Variants in KAZN observed in about 807,000 individuals in gnomAD.
The protein encoded by KAZN is kazrin.
KAZN carries 40 observed loss-of-function variants against 87.4 expected under a neutral mutation model. The ratio of observed to expected loss-of-function variants is 0.46; its 90% confidence interval spans 0.36 to 0.60. KAZN has a LOEUF of 0.60. KAZN is among the 20% of genes least tolerant of loss of function. The pLI is 0.00. For synonymous variants in KAZN, 466 were observed against 458.3 expected, an observed-to-expected ratio of 1.02 and a Z score of -0.22; for missense variants, 898 against 1,073.9, an observed-to-expected ratio of 0.84 and a Z score of 2.29.
At chr1:15,016,172 A>G (rs141353377) in intron 2 of KAZN, among the ~76,000 whole-genome samples, 1 of 152,318 alleles carries the variant, frequency 6.6e-6, no homozygotes, top group Non-Finnish European at 1.5e-5. Flanking sequence ...ACACATCTAC[A>G]GGCCGACGGA....
At chr1:14,066,875 G>T (rs533309121) in intron 1 of KAZN, among the ~76,000 whole-genome samples, 18 of 152,174 alleles carry the variant, frequency 1.2e-4, no homozygotes, top group Non-Finnish European at 2.5e-4. Context: ...CAAAATCCCT[G>T]CCCTCTGTCC....
At position 14,260,262 on chromosome 1, in the gene KAZN, G is replaced by A. The variant is rs144025128; in HGVS notation, c.249+79670G>A. Reference sequence around the variant, plus strand: ...GTGGAACTGATATTCTAGTGTAGGAGGCACACGATAAACAAAAGAAACAAG... The same window carrying A: ...GTGGAACTGATATTCTAGTGTAGGAAGCACACGATAAACAAAAGAAACAAG... On this transcript the variant is annotated intron_variant, in intron 2 of 16. Transcript: ENST00000636203. 3.8e-4 allele frequency among the ~76,000 whole-genome samples: 58 copies of A among 152,306 alleles called. 1 individual carries two copies. The East Asian group carries it at 7.1e-3, about 19-fold the overall frequency.
intron 2 of KAZN, among the ~76,000 whole-genome samples, chr1:14,309,758 G>C (rs11585699): frequency 0.17 from 26,179 of 151,500 alleles, 2,924 homozygotes; most frequent in Middle Eastern, 0.27. Flanking sequence ...ATTGTGTAGA[G>C]ATGGGGTTTT....
At chr1:14,982,586 C>T (rs559175700) in intron 2 of KAZN, among the ~76,000 whole-genome samples, 9 of 152,234 alleles carry the variant, frequency 5.9e-5, no homozygotes, top group African/African-American at 1.2e-4. Context: ...TGCGCCACCA[C>T]GCCCAGCTAA....
chr1:14,787,285 A>G (rs115684290), intron 1 of KAZN, among the ~76,000 whole-genome samples: 7,231 of 152,326 alleles, frequency 0.047, 265 homozygotes, highest in South Asian at 0.075. Context: ...TACGACACTA[A>G]GAAGTAGGCG....
intron 1 of KAZN, among the ~76,000 whole-genome samples, chr1:13,905,843 T>TTCA (rs1639417432): frequency 6.6e-6 from 1 of 152,216 alleles, no homozygotes; most frequent in Non-Finnish European, 1.5e-5. Context: ...ACAACCTCGG[T>TTCA]GACTTAAAAC....
chr1:15,090,993 G>A (rs186342792), intron 8 of KAZN, among the ~76,000 whole-genome samples: 16 of 152,290 alleles, frequency 1.1e-4, no homozygotes, highest in Admixed American at 4.6e-4. Context: ...GCCTTGTGGG[G>A]AGGGGGTTTG....
At chr1:14,535,823 C>A (rs1672476879) in intron 2 of KAZN, among the ~76,000 whole-genome samples, 1 of 152,214 alleles carries the variant, frequency 6.6e-6, no homozygotes, top group Admixed American at 6.5e-5. Context: ...ATCACAATGT[C>A]AACAGTGATC....
At chr1:14,694,887 G>A (rs919880424) in intron 1 of KAZN, among the ~76,000 whole-genome samples, 1 of 152,174 alleles carries the variant, frequency 6.6e-6, no homozygotes, top group Non-Finnish European at 1.5e-5. Context: ...TATTATACAA[G>A]GGCAAGCACA....
At chr1:14,392,720 T>C (rs1662560274) in intron 2 of KAZN, among the ~76,000 whole-genome samples, 1 of 152,072 alleles carries the variant, frequency 6.6e-6, no homozygotes, top group Non-Finnish European at 1.5e-5. Flanking sequence ...TCTGCGAACA[T>C]TGCCAAATGT....
intron 2 of KAZN, among the ~76,000 whole-genome samples, chr1:14,519,614 C>T (rs191558649): frequency 2.0e-5 from 3 of 151,906 alleles, no homozygotes; most frequent in African/African-American, 7.3e-5. Flanking sequence ...GGCCAGGGCA[C>T]GAGAGAGATA....
intron 1 of KAZN, among the ~76,000 whole-genome samples, chr1:14,173,749 TG>T (rs1323448421): frequency 1.3e-5 from 2 of 152,062 alleles, no homozygotes; most frequent in Non-Finnish European, 2.9e-5. Flanking sequence ...TGGCTGCATT[TG>T]GTTCACATGT....
At chr1:14,980,840 G>C (rs1323780507) in intron 2 of KAZN, among the ~76,000 whole-genome samples, 1 of 152,106 alleles carries the variant, frequency 6.6e-6, no homozygotes, top group East Asian at 1.9e-4. Context: ...TTCAGATCGA[G>C]GCCTCAGGAG....
chr1:14,417,036 A>ACACACG (rs1664844096), intron 2 of KAZN, among the ~76,000 whole-genome samples: 1 of 150,772 alleles, frequency 6.6e-6, no homozygotes, highest in Admixed American at 6.7e-5. Flanking sequence ...ACACACACAC[A>ACACACG]CACACGTTAA....
At chr1:13,990,619 C>G (rs1458315589) in intron 1 of KAZN, among the ~76,000 whole-genome samples, 1 of 152,094 alleles carries the variant, frequency 6.6e-6, no homozygotes, top group Non-Finnish European at 1.5e-5. Context: ...CATAGGTGCA[C>G]ACATTTGTTA....
intron 2 of KAZN, among the ~76,000 whole-genome samples, chr1:15,003,346 G>A (rs1307765416): frequency 6.6e-6 from 1 of 152,154 alleles, no homozygotes; most frequent in African/African-American, 2.4e-5. Context: ...CTTGTGTTCA[G>A]GGGTGTGGGT....
chr1:14,230,975 T>C (rs1161122601), intron 2 of KAZN, among the ~76,000 whole-genome samples: 2 of 152,158 alleles, frequency 1.3e-5, no homozygotes, highest in Non-Finnish European at 2.9e-5. Context: ...ATCCTTAAAA[T>C]GGGGTAATAA....
At chr1:14,766,459 G>T (rs539270422) in intron 1 of KAZN, among the ~76,000 whole-genome samples, 1 of 152,080 alleles carries the variant, frequency 6.6e-6, no homozygotes, top group East Asian at 1.9e-4. Context: ...CCAGGGAAGA[G>T]ATGCCGGCTG....
intron 2 of KAZN, among the ~76,000 whole-genome samples, chr1:14,530,672 C>T (rs1363120414): frequency 6.6e-6 from 1 of 152,142 alleles, no homozygotes; most frequent in Non-Finnish European, 1.5e-5. Context: ...CCTGATCCCC[C>T]TTCACCTTTT....
Sources: gnomAD v4.1 joint callset for allele counts (sites outside exome capture counted in the v4.1 genomes callset) on GRCh38, gnomAD v4.1.1 for gene constraint, MANE v1.5 for transcripts, NCBI Gene and HGNC (gene_info 2026-07-23, HGNC 2026-07-21) for gene names.